The following OPCML variants were observed in gnomAD, a reference collection of about 807,000 sequenced individuals.
OPCML encodes opioid-binding protein/cell adhesion molecule.
OPCML carries 13 observed loss-of-function variants against 37.8 expected under a neutral mutation model. That is an observed-to-expected ratio of 0.34 (90% CI 0.22 to 0.55). The LOEUF (loss-of-function observed/expected upper bound fraction) is 0.55. OPCML is among the 20% of genes least tolerant of loss of function. The probability of loss-of-function intolerance (pLI) is 0.91; values close to 1 mark genes in which losing one functional copy is unlikely to be tolerated. For missense variants in OPCML, 341 were observed against 435.6 expected (o/e 0.78, Z 1.93); for synonymous variants, 176 against 168.8 (o/e 1.04, Z -0.33).
chr11:133,466,924 C>T (rs1946989544), intron 1 of OPCML, among the ~76,000 whole-genome samples: 2 of 152,134 alleles, frequency 1.3e-5, no homozygotes, highest in Admixed American at 6.5e-5. Context: ...GGCATATCCT[C>T]GGGTAGAGTT....
At chr11:132,427,823 C>T (rs1003461359) in intron 7 of OPCML, among the ~76,000 whole-genome samples, 4 of 152,116 alleles carry the variant, frequency 2.6e-5, no homozygotes, top group Non-Finnish European at 4.4e-5. Context: ...GGGCGGGGTA[C>T]GAGCAAACCA....
At chr11:133,296,628 C>A (rs2136554118) in intron 1 of OPCML, among the ~76,000 whole-genome samples, 1 of 152,336 alleles carries the variant, frequency 6.6e-6, no homozygotes, top group African/African-American at 2.4e-5. Flanking sequence ...ATGCTTCCAA[C>A]TCCTGCGTAG....
intron 1 of OPCML, 182 bp downstream of exon 1, chr11:133,532,082 C>A (rs1308604704): frequency 2.8e-5 from 16 of 577,826 alleles, no homozygotes; most frequent in Non-Finnish European, 3.3e-5. Flanking sequence ...CATCTGCGCG[C>A]GTGTGAGCGA....
chr11:132,474,729 T>C (rs779980006), intron 4 of OPCML, among the ~76,000 whole-genome samples: 1 of 152,192 alleles, frequency 6.6e-6, no homozygotes, highest in African/African-American at 2.4e-5. Flanking sequence ...TTTATGCTCC[T>C]GTCCTCACCA....
chr11:133,317,280 A>G (rs1334835360), intron 1 of OPCML, among the ~76,000 whole-genome samples: 2 of 152,190 alleles, frequency 1.3e-5, no homozygotes, highest in African/African-American at 4.8e-5. Flanking sequence ...TCTAAGAAAG[A>G]AAAAAATACT....
chr11:133,116,482 A>C (rs1949335251), intron 1 of OPCML, among the ~76,000 whole-genome samples: 2 of 152,148 alleles, frequency 1.3e-5, no homozygotes, highest in South Asian at 4.1e-4. Context: ...ACCTTCCTCC[A>C]GCTTTCTTTC....
At chr11:133,387,950 G>A (rs913674621) in intron 1 of OPCML, among the ~76,000 whole-genome samples, 2 of 152,146 alleles carry the variant, frequency 1.3e-5, no homozygotes, top group African/African-American at 4.8e-5. Context: ...GGGATACCAA[G>A]TGCAAAGACA....
chr11:132,552,491 G>T (rs1332113611), intron 3 of OPCML, among the ~76,000 whole-genome samples: 1 of 152,048 alleles, frequency 6.6e-6, no homozygotes, highest in East Asian at 1.9e-4. Flanking sequence ...AAGTTCTGTT[G>T]TTATTGTTTG....
At chr11:132,555,421 T>A (rs2096393091) in intron 3 of OPCML, among the ~76,000 whole-genome samples, 1 of 152,036 alleles carries the variant, frequency 6.6e-6, no homozygotes, top group Non-Finnish European at 1.5e-5. Context: ...TCAGATCCCA[T>A]GAGACTTATT....
rs946208869 is a variant in OPCML at position 133,422,279 on chromosome 11, C to A, written c.61+109985G>T. The A allele has an allele frequency of 6.1e-6, 6 of 984,580 alleles. No individual in the cohort carries two copies. In the African/African-American group the frequency reaches 8.8e-5, roughly 14 times the overall value. The allele number at this position is 984,580 out of a possible 1,614,324, so 61.0% of individuals were successfully genotyped here. A position where few individuals can be genotyped will look rare whatever the true frequency, so the allele number is the denominator to read the frequency against. On this transcript the variant is annotated intron_variant, in intron 1 of 7. Transcript: ENST00000524381. ...TTGACAAGTGTGTCGTGGGACTCAC[C>A]ACTAAACACGAAGATATGGGGCAAG...
intron 1 of OPCML, among the ~76,000 whole-genome samples, chr11:133,228,621 T>C (rs983177215): frequency 9.8e-5 from 15 of 152,318 alleles, no homozygotes; most frequent in Middle Eastern, 6.8e-3. Flanking sequence ...GAGCTCTGCT[T>C]CTTGCCACCT....
intron 2 of OPCML, among the ~76,000 whole-genome samples, chr11:132,914,754 G>A (rs1944550322): frequency 1.3e-5 from 2 of 152,186 alleles, no homozygotes; most frequent in African/African-American, 4.8e-5. Flanking sequence ...AGACGGGATG[G>A]GGATCCTCCA....
chr11:133,259,038 C>T (rs1391381286), intron 1 of OPCML, among the ~76,000 whole-genome samples: 2 of 152,156 alleles, frequency 1.3e-5, no homozygotes, highest in Non-Finnish European at 2.9e-5. Flanking sequence ...CTTCCTGGCT[C>T]TGAGACAGCC....
intron 1 of OPCML, among the ~76,000 whole-genome samples, chr11:133,184,798 G>A (rs905775379): frequency 6.6e-6 from 1 of 152,192 alleles, no homozygotes; most frequent in Admixed American, 6.5e-5. Context: ...ACAGGCAAGA[G>A]CATTATACAG....
intron 1 of OPCML, among the ~76,000 whole-genome samples, chr11:133,156,646 T>C (rs952760332): frequency 6.6e-6 from 1 of 152,140 alleles, no homozygotes; most frequent in Non-Finnish European, 1.5e-5. Flanking sequence ...AAAAGTAATA[T>C]GTAACAATTT....
At chr11:133,291,646 G>T (rs957202107) in intron 1 of OPCML, among the ~76,000 whole-genome samples, 1 of 151,950 alleles carries the variant, frequency 6.6e-6, no homozygotes, top group African/African-American at 2.4e-5. Context: ...TATTTTTTTG[G>T]CAAACGGTGA....
At chr11:132,976,970 A>G (rs1203015492) in intron 1 of OPCML, among the ~76,000 whole-genome samples, 1 of 152,186 alleles carries the variant, frequency 6.6e-6, no homozygotes, top group East Asian at 1.9e-4. Flanking sequence ...ATGTTAACGC[A>G]TAGCAGAAAG....
intron 1 of OPCML, among the ~76,000 whole-genome samples, chr11:133,465,513 G>A (rs763811303): frequency 3.9e-5 from 6 of 152,146 alleles, no homozygotes; most frequent in Admixed American, 6.5e-5. Flanking sequence ...CATCAGCTGC[G>A]TGCTAAGCAC....
chr11:133,421,031 G>A, intron 1 of OPCML: 1 of 985,290 alleles, frequency 1.0e-6, no homozygotes, highest in Non-Finnish European at 1.2e-6. Flanking sequence ...AGAATCATGG[G>A]GTGTAGATTT....
Sources: allele counts gnomAD v4.1 joint callset (sites outside exome capture counted in the v4.1 genomes callset), GRCh38; gene constraint gnomAD v4.1.1; transcripts MANE v1.5; gene names NCBI Gene and HGNC (gene_info 2026-07-23, HGNC 2026-07-21).